Variants in LMO7 observed in about 807,000 individuals in gnomAD.
LMO7 encodes the protein LIM domain only protein 7.
Under a neutral mutation model 206.5 loss-of-function variants are expected in LMO7, and 120 were observed. The ratio of observed to expected loss-of-function variants is 0.58; its 90% confidence interval spans 0.50 to 0.68. The LOEUF (loss-of-function observed/expected upper bound fraction) is 0.68. Ranked by LOEUF, LMO7 falls within the 30% of genes least tolerant of loss-of-function variation. The pLI, the probability that LMO7 is intolerant of heterozygous loss-of-function variation, is 0.00. For missense variants in LMO7, 1,959 were observed against 1,957.9 expected (o/e 1.00, Z -0.01); for synonymous variants, 706 against 681.5 (o/e 1.04, Z -0.56).
intron 1 of LMO7, among the ~76,000 whole-genome samples, chr13:75,645,462 A>G (rs2036925986): frequency 6.6e-6 from 1 of 152,208 alleles, no homozygotes; most frequent in Admixed American, 6.5e-5. Flanking sequence ...GCGGTGAGCT[A>G]TGATTGTACC....
At chr13:75,653,136 T>C (rs1398594771) in intron 1 of LMO7, among the ~76,000 whole-genome samples, 1 of 152,170 alleles carries the variant, frequency 6.6e-6, no homozygotes, top group Non-Finnish European at 1.5e-5. Context: ...TCAGTAAAAT[T>C]ATTTTTCTTA....
intron 1 of LMO7, among the ~76,000 whole-genome samples, chr13:75,699,059 A>G (rs369819202): frequency 6.6e-6 from 1 of 152,186 alleles, no homozygotes; most frequent in South Asian, 2.1e-4. Context: ...AAATAGAATA[A>G]TACCATATTT....
chr13:75,790,008 A>G (rs1435468173), intron 4 of LMO7, among the ~76,000 whole-genome samples: 1 of 152,120 alleles, frequency 6.6e-6, no homozygotes, highest in Non-Finnish European at 1.5e-5. Flanking sequence ...CCAACATGGA[A>G]GTTTGGACAA....
intron 4 of LMO7, among the ~76,000 whole-genome samples, chr13:75,788,186 A>G (rs1444791208): frequency 6.6e-6 from 1 of 152,140 alleles, no homozygotes; most frequent in African/African-American, 2.4e-5. Context: ...GTTTCTTATG[A>G]CACCTACACT....
rs2040358148 is a variant in LMO7 at position 75,680,221 on chromosome 13, CA to C, written c.70-32960del. On this transcript the variant is annotated intron_variant, in intron 1 of 30. Transcript: ENST00000377534. ...GCTCTATCCATGTCCCTGCAAAGGG[CA>C]TGATCTCGTTCCCTTTTGTGGTTGC... Among the ~76,000 whole-genome samples the C allele has an allele frequency of 2.6e-5, 4 of 152,346 alleles. No homozygotes were observed. In the East Asian group the frequency reaches 7.7e-4, roughly 29 times the overall value.
chr13:75,784,028 A>AC (rs562589505), intron 4 of LMO7, among the ~76,000 whole-genome samples: 3 of 151,744 alleles, frequency 2.0e-5, no homozygotes, highest in African/African-American at 4.8e-5. Context: ...GAAATTTTGT[A>AC]CCCCCCTTCC....
intron 12 of LMO7, among the ~76,000 whole-genome samples, chr13:75,817,770 A>G: frequency 6.6e-6 from 1 of 152,242 alleles, no homozygotes; most frequent in East Asian, 1.9e-4. Context: ...ATTTTGGCTG[A>G]AGAAGTCAAT....
At chr13:75,634,867 A>T (rs1208142401), upstream of LMO7, among the ~76,000 whole-genome samples, 1 of 137,624 alleles carries the variant, frequency 7.3e-6, no homozygotes, top group East Asian at 2.3e-4. Flanking sequence ...CTAGCTGGGC[A>T]TGGTGGTGGG....
In LMO7 at chr13:75,630,794, C is replaced by T. The variant is rs564286026; in HGVS notation, c.225+7474C>T. 1.1e-4 allele frequency among the ~76,000 whole-genome samples: 16 copies of T among 151,386 alleles called. No individual in the cohort carries two copies. The South Asian group carries it at 3.2e-3, about 30-fold the overall frequency. ...ACAAACCCAGATAAGGTGCTTTATA[C>T]ACTGCCTGTTTTCTTTTTTCTTTTT... is the stretch of plus-strand genomic sequence containing the variant. On this transcript the variant is annotated intron_variant, in intron 2 of 29. Coordinates refer to the LMO7 transcript ENST00000341547.
At chr13:75,727,887 G>C (rs1210412787) in intron 3 of LMO7, among the ~76,000 whole-genome samples, 1 of 148,244 alleles carries the variant, frequency 6.7e-6, no homozygotes, top group Non-Finnish European at 1.5e-5. Context: ...TTGGTTTTTT[G>C]TCCTTGCGAT....
rs2058936244 is a variant in LMO7 at position 75,834,248 on chromosome 13, G to A, written c.3087G>A (p.Gln1029=). ...TAGGTAGCCCAGCAGAATTTTCTCA[G>A]CTACAAGTAGATGATGAAATTATTG... is the stretch of plus-strand genomic sequence containing the variant. ...VEAGSPAEFS[Q]LQVDDEIIAI... Residue 1029 remains glutamine, a synonymous_variant, in exon 17 of 31, where the codon CAG becomes CAA. Coordinates refer to ENST00000377534, the MANE Select transcript of LMO7 (RefSeq NM_001306080.2). The A allele has an allele frequency of 1.2e-6, 2 of 1,602,108 alleles. No individual in the cohort carries two copies. Among genetic ancestry groups the A allele is most frequent in the Non-Finnish European group, 1.7e-6 (2 of 1,174,698 alleles).
intron 18 of LMO7, among the ~76,000 whole-genome samples, chr13:75,835,618 C>A (rs1354269470): frequency 1.3e-5 from 2 of 152,148 alleles, no homozygotes; most frequent in Admixed American, 6.6e-5. Flanking sequence ...CATCATTAGA[C>A]CCACCTCTCA....
At chr13:75,829,163 C>T (rs1048553246) in intron 15 of LMO7, among the ~76,000 whole-genome samples, 9 of 151,466 alleles carry the variant, frequency 5.9e-5, no homozygotes, top group African/African-American at 1.9e-4. Context: ...AAGGAACAAA[C>T]AACACAATGA....
At chr13:75,716,480 C>T (rs2043544549) in intron 2 of LMO7, among the ~76,000 whole-genome samples, 1 of 151,874 alleles carries the variant, frequency 6.6e-6, no homozygotes, top group South Asian at 2.1e-4. Flanking sequence ...AGGAATACTC[C>T]CTTGATGAAA....
At chr13:75,676,920 T>A (rs2040062118) in intron 1 of LMO7, among the ~76,000 whole-genome samples, 1 of 152,190 alleles carries the variant, frequency 6.6e-6, no homozygotes, top group South Asian at 2.1e-4. Context: ...CAGATTTAAG[T>A]CTGTAATTGA....
intron 4 of LMO7, among the ~76,000 whole-genome samples, chr13:75,789,582 G>A (rs533155607): frequency 6.6e-6 from 1 of 152,244 alleles, no homozygotes; most frequent in East Asian, 1.9e-4. Flanking sequence ...TAAATGCTTG[G>A]CTGTTCTTAG....
chr13:75,768,419 A>G (rs1373205959), intron 4 of LMO7, among the ~76,000 whole-genome samples: 1 of 152,078 alleles, frequency 6.6e-6, no homozygotes, highest in African/African-American at 2.4e-5. Context: ...AGAACAGAGA[A>G]CAGACAGCTA....
At chr13:75,709,247 G>A (rs575440735) in intron 1 of LMO7, among the ~76,000 whole-genome samples, 62 of 152,246 alleles carry the variant, frequency 4.1e-4, no homozygotes, top group South Asian at 1.0e-3. Context: ...GAAAAGTGCC[G>A]CAATAAACAT....
chr13:75,827,963 C>T (rs1471492862), intron 15 of LMO7, among the ~76,000 whole-genome samples: 1 of 152,186 alleles, frequency 6.6e-6, no homozygotes, highest in African/African-American at 2.4e-5. Flanking sequence ...GCTTGCTTCT[C>T]ACCTTCACTA....
Sources: gnomAD v4.1 joint callset for allele counts (sites outside exome capture counted in the v4.1 genomes callset) on GRCh38, gnomAD v4.1.1 for gene constraint, MANE v1.5 for transcripts, NCBI Gene and HGNC (gene_info 2026-07-23, HGNC 2026-07-21) for gene names.